Variants in RASAL2 observed in about 807,000 individuals in gnomAD.
The protein encoded by RASAL2 is ras GTPase-activating protein nGAP.
A neutral mutation model predicts 128.9 loss-of-function variants in RASAL2; 58 were observed. That is an observed-to-expected ratio of 0.45 (90% CI 0.36 to 0.56). The LOEUF is 0.56. Among genes scored for constraint, RASAL2 ranks in the 20% least tolerant of loss-of-function variants. RASAL2 has a pLI of 0.00. For synonymous variants in RASAL2, 561 were observed against 580.8 expected (o/e 0.97, Z 0.49); for missense variants, 1,360 against 1,601.6 (o/e 0.85, Z 2.57).
At chr1:178,438,933 T>TGTG (rs1311824045) in intron 5 of RASAL2, among the ~76,000 whole-genome samples, 2 of 84,108 alleles carry the variant, frequency 2.4e-5, no homozygotes, top group Non-Finnish European at 5.6e-5. Flanking sequence ...GTGTGTGTGT[T>TGTG]TTGCCAAAGT....
At chr1:178,211,069 T>A (rs1391369812) in intron 1 of RASAL2, among the ~76,000 whole-genome samples, 2 of 152,188 alleles carry the variant, frequency 1.3e-5, no homozygotes, top group Non-Finnish European at 2.9e-5. Context: ...CTGACTTTTA[T>A]CCCTTTAGCT....
intron 1 of RASAL2, among the ~76,000 whole-genome samples, chr1:178,128,006 G>T (rs1659961501): frequency 6.6e-6 from 1 of 152,020 alleles, no homozygotes; most frequent in Non-Finnish European, 1.5e-5. Context: ...TCAATTTTCT[G>T]TGGAAGACAT....
intron 1 of RASAL2, among the ~76,000 whole-genome samples, chr1:178,245,706 A>G (rs978465231): frequency 6.6e-6 from 1 of 152,174 alleles, no homozygotes; most frequent in African/African-American, 2.4e-5. Context: ...TTTAGGTTTT[A>G]CATTTAATTA....
chr1:178,248,198 G>A (rs1178188913), intron 1 of RASAL2, among the ~76,000 whole-genome samples: 3 of 152,166 alleles, frequency 2.0e-5, no homozygotes, highest in Non-Finnish European at 1.5e-5. Context: ...TATTGTGTGG[G>A]AGTCTAAGTC....
At chr1:178,436,581 G>T (rs1274106036) in intron 5 of RASAL2, among the ~76,000 whole-genome samples, 1 of 152,066 alleles carries the variant, frequency 6.6e-6, no homozygotes, top group Non-Finnish European at 1.5e-5. Flanking sequence ...TTAAACCACG[G>T]TAGGCACTGT....
In RASAL2 at chr1:178,094,469, G is replaced by C. The variant is rs1329600389; in HGVS notation, c.-24G>C. On this transcript the variant is annotated 5_prime_UTR_variant, in exon 1 of 18. Coordinates refer to ENST00000367649, the MANE Select transcript of RASAL2 (RefSeq NM_170692.4). ...CAGCCCGCCCCGAAGCCGCCGCCTC[G>C]TCCCCCTCCCGCCTCGGGGCACCAT... 17 of 1,529,560 alleles carry C rather than the reference G, an allele frequency of 1.1e-5. No individual in the cohort carries two copies. Among genetic ancestry groups the C allele is most frequent in the Non-Finnish European group, 1.3e-5 (15 of 1,138,764 alleles). The allele number at this position is 1,529,560 out of a possible 1,614,324, so 94.7% of individuals were successfully genotyped here. A position where few individuals can be genotyped will look rare whatever the true frequency, so the allele number is the denominator to read the frequency against.
At chr1:178,165,167 A>G (rs1661478060) in intron 1 of RASAL2, among the ~76,000 whole-genome samples, 2 of 152,040 alleles carry the variant, frequency 1.3e-5, no homozygotes, top group African/African-American at 4.8e-5. Flanking sequence ...ATATCAAAGT[A>G]AAACTGTACG....
In RASAL2 at chr1:178,460,883, G is replaced by A. The variant is rs368233163; in HGVS notation, c.3252+2339G>A. 9.2e-5 allele frequency among the ~76,000 whole-genome samples: 14 copies of A among 151,960 alleles called. No homozygotes were observed. The South Asian group carries it at 1.2e-3, about 14-fold the overall frequency. On this transcript the variant is annotated intron_variant, in intron 14 of 17. Coordinates refer to ENST00000367649, the MANE Select transcript of RASAL2 (RefSeq NM_170692.4). ...GGCTGGAGTGCAGTGGCACGATCTC[G>A]GCTCACTGTAACTTCCGCCTCCCAG... is the stretch of plus-strand genomic sequence containing the variant.
At chr1:178,323,624 C>G (rs777816982) in intron 3 of RASAL2, among the ~76,000 whole-genome samples, 1 of 151,996 alleles carries the variant, frequency 6.6e-6, no homozygotes, top group Admixed American at 6.6e-5. Context: ...GTCTGAACTC[C>G]GTGCTGTTGG....
chr1:178,379,103 A>T (rs1056583703), intron 3 of RASAL2, among the ~76,000 whole-genome samples: 1 of 152,180 alleles, frequency 6.6e-6, no homozygotes, highest in Non-Finnish European at 1.5e-5. Flanking sequence ...GACTATTATA[A>T]AAAAGACCTT....
intron 3 of RASAL2, chr1:178,372,449 T>C (rs1281349735): frequency 1.4e-6 from 1 of 727,630 alleles, no homozygotes; most frequent in Non-Finnish European, 1.7e-6. Flanking sequence ...ATTAAGGGAA[T>C]ATGTTTAAGT....
chr1:178,175,680 G>A (rs1237852620), intron 1 of RASAL2, among the ~76,000 whole-genome samples: 9 of 126,326 alleles, frequency 7.1e-5, no homozygotes, highest in African/African-American at 2.8e-4. Context: ...TTTTTTTTTT[G>A]TCTCTCACCC....
chr1:178,395,753 G>A (rs1278468679), intron 4 of RASAL2, among the ~76,000 whole-genome samples: 1 of 136,168 alleles, frequency 7.3e-6, no homozygotes, highest in East Asian at 2.0e-4. Context: ...CCTCCAGTGA[G>A]ACCTCTTTTA....
At chr1:178,382,782 A>T (rs1269519459) in intron 3 of RASAL2, among the ~76,000 whole-genome samples, 3 of 152,180 alleles carry the variant, frequency 2.0e-5, no homozygotes, top group Non-Finnish European at 4.4e-5. Context: ...ACCAAACATG[A>T]CAGTTTGATG....
chr1:178,276,238 ATTTTTGT>A (rs1666505964), intron 1 of RASAL2, among the ~76,000 whole-genome samples: 1 of 152,174 alleles, frequency 6.6e-6, no homozygotes, highest in Non-Finnish European at 1.5e-5. Flanking sequence ...GTCTAAGAAA[ATTTTTGT>A]TTGTTGTTCT....
At chr1:178,269,299 G>A (rs1666131776) in intron 1 of RASAL2, among the ~76,000 whole-genome samples, 1 of 152,316 alleles carries the variant, frequency 6.6e-6, no homozygotes, top group Non-Finnish European at 1.5e-5. Context: ...ATAAATTTGT[G>A]TTGTTTAACT....
At chr1:178,279,895 A>T (rs941796522) in intron 1 of RASAL2, among the ~76,000 whole-genome samples, 2 of 152,130 alleles carry the variant, frequency 1.3e-5, no homozygotes, top group Admixed American at 6.5e-5. Flanking sequence ...GACTTTTTTG[A>T]TATTATATAA....
intron 1 of RASAL2, among the ~76,000 whole-genome samples, chr1:178,190,205 C>T (rs999231780): frequency 2.6e-5 from 4 of 152,120 alleles, no homozygotes; most frequent in Non-Finnish European, 5.9e-5. Context: ...TGAGTCTAGC[C>T]TGTTTATTTT....
rs563994287 is a variant in RASAL2, at chr1:178,345,554, A to T, written c.458-44546A>T. Among the ~76,000 whole-genome samples the T allele has an allele frequency of 3.9e-5, 6 of 152,278 alleles. No homozygotes were observed. The East Asian group carries it at 1.2e-3, about 29-fold the overall frequency. ...TTATATGAAGATTAGTAAAATGGGT[A>T]TTCTTTCCATTTTTAAGATTCTGGT... On this transcript the variant is annotated intron_variant, in intron 3 of 17. Coordinates refer to ENST00000367649, the MANE Select transcript of RASAL2 (RefSeq NM_170692.4).
Sources: allele counts gnomAD v4.1 joint callset (sites outside exome capture counted in the v4.1 genomes callset), GRCh38; gene constraint gnomAD v4.1.1; transcripts MANE v1.5; gene names NCBI Gene and HGNC (gene_info 2026-07-23, HGNC 2026-07-21).